The following NRG1 variants were observed in gnomAD, a reference collection of about 807,000 sequenced individuals.
NRG1 encodes neuregulin 1, also known as pro-neuregulin-1, membrane-bound isoform.
A neutral mutation model predicts 63.8 loss-of-function variants in NRG1; 18 were observed. The observed-to-expected ratio is 0.28, with a 90% CI of 0.19 to 0.42. The LOEUF is 0.42. Ranked by LOEUF, NRG1 falls within the 10% of genes least tolerant of loss-of-function variation. NRG1 has a pLI of 1.00. For missense variants in NRG1, 762 were observed against 814.7 expected, an observed-to-expected ratio of 0.94 and a Z score of 0.79; for synonymous variants, 302 against 301.3, an observed-to-expected ratio of 1.00 and a Z score of -0.02.
chr8:31,823,857 C>G (rs1824243711), intron 1 of NRG1, among the ~76,000 whole-genome samples: 2 of 152,106 alleles, frequency 1.3e-5, no homozygotes, highest in Admixed American at 6.5e-5. Flanking sequence ...GGAACAGAAG[C>G]TTAAAAATGG....
At chr8:31,813,914 C>G (rs1227551610) in intron 1 of NRG1, among the ~76,000 whole-genome samples, 6 of 152,160 alleles carry the variant, frequency 3.9e-5, no homozygotes, top group Non-Finnish European at 8.8e-5. Flanking sequence ...TATGCCTCAT[C>G]ATTCATTTCA....
intron 7 of NRG1, among the ~76,000 whole-genome samples, chr8:32,751,605 T>C (rs1002948659): frequency 4.6e-5 from 7 of 152,130 alleles, no homozygotes; most frequent in Non-Finnish European, 1.0e-4. Flanking sequence ...CAAATAGCAA[T>C]GAGGATAAGG....
At chr8:32,770,750 C>CTG (rs576073747), downstream of NRG1, among the ~76,000 whole-genome samples, 470 of 152,282 alleles carry the variant, frequency 3.1e-3, 3 homozygotes, top group Admixed American at 5.4e-3. Flanking sequence ...AACTTACTGA[C>CTG]TGTGGGCAGC....
At chr8:32,639,711 A>G (rs1021506676) in intron 5 of NRG1, among the ~76,000 whole-genome samples, 1 of 152,226 alleles carries the variant, frequency 6.6e-6, no homozygotes, top group Non-Finnish European at 1.5e-5. Context: ...ATGCTGTGCT[A>G]TATACTGACT....
rs185858676 is a variant in NRG1 at position 32,108,856 on chromosome 8, T to G, written c.37+469425T>G. 7.0e-3 allele frequency among the ~76,000 whole-genome samples: 1,059 copies of G among 152,260 alleles called. 7 individuals carry two copies. The highest frequency in any genetic ancestry group is 0.011 in the Non-Finnish European group (734 of 68,014). On this transcript the variant is annotated intron_variant, in intron 1 of 10. Coordinates refer to the NRG1 transcript ENST00000519301. ...GAGTTCAACCCTGACAGTACCTTTA[T>G]TTTAGCTCTGTGCAACCTGTTTCAG...
intron 1 of NRG1, among the ~76,000 whole-genome samples, chr8:32,374,685 A>C (rs990781502): frequency 1.3e-5 from 2 of 152,190 alleles, no homozygotes; most frequent in African/African-American, 2.4e-5. Flanking sequence ...TCATTGTCCC[A>C]ATGAGACAGT....
chr8:32,638,570 C>A (rs1851759462), intron 5 of NRG1, among the ~76,000 whole-genome samples: 2 of 152,156 alleles, frequency 1.3e-5, no homozygotes, highest in Non-Finnish European at 2.9e-5. Flanking sequence ...TCAGGCAATC[C>A]TCCTGCCTCA....
At chr8:32,438,180 C>T (rs1178256279) in intron 1 of NRG1, among the ~76,000 whole-genome samples, 1 of 152,168 alleles carries the variant, frequency 6.6e-6, no homozygotes, top group Non-Finnish European at 1.5e-5. Flanking sequence ...GCTACGTCTA[C>T]TTCCTTTGCC....
chr8:32,039,881 G>A (rs758022180), intron 1 of NRG1, among the ~76,000 whole-genome samples: 1 of 151,976 alleles, frequency 6.6e-6, no homozygotes, highest in Admixed American at 6.6e-5. Context: ...AAAATTAGCC[G>A]GAAATGGTGG....
intron 1 of NRG1, among the ~76,000 whole-genome samples, chr8:31,763,382 G>T (rs1236459107): frequency 1.3e-5 from 2 of 152,082 alleles, no homozygotes; most frequent in African/African-American, 4.8e-5. Context: ...CCAACAATTT[G>T]TCATTGCCGT....
At chr8:32,735,832 G>A (rs1452498873) in intron 6 of NRG1, among the ~76,000 whole-genome samples, 2 of 152,110 alleles carry the variant, frequency 1.3e-5, no homozygotes, top group Non-Finnish European at 2.9e-5. Flanking sequence ...CACAAACACC[G>A]CCACCCTCAT....
chr8:32,752,339 G>A (rs1025303711), intron 7 of NRG1, among the ~76,000 whole-genome samples: 11 of 152,156 alleles, frequency 7.2e-5, no homozygotes, highest in African/African-American at 2.7e-4. Context: ...CTGTGGCTAT[G>A]GGGGAGGGGA....
intron 1 of NRG1, among the ~76,000 whole-genome samples, chr8:32,370,838 A>G (rs1808718790): frequency 7.5e-6 from 1 of 133,578 alleles, no homozygotes. Context: ...AGCCAGGATG[A>G]CAGAGTGAGA....
intron 1 of NRG1, among the ~76,000 whole-genome samples, chr8:32,009,426 G>A (rs1334870913): frequency 6.6e-6 from 1 of 151,970 alleles, no homozygotes; most frequent in Non-Finnish European, 1.5e-5. Context: ...GGTGCTAGGG[G>A]CCCAGCAGTG....
At chr8:32,746,378 A>C (rs1041457161) in intron 7 of NRG1, among the ~76,000 whole-genome samples, 1 of 152,186 alleles carries the variant, frequency 6.6e-6, no homozygotes, top group Non-Finnish European at 1.5e-5. Flanking sequence ...AGTCTTTGAA[A>C]TGATTAGCAT....
intron 1 of NRG1, among the ~76,000 whole-genome samples, chr8:32,530,453 G>A (rs1349471590): frequency 2.6e-5 from 4 of 152,056 alleles, no homozygotes; most frequent in African/African-American, 9.7e-5. Flanking sequence ...TGTGGTCCAC[G>A]GTTTAGAGTA....
chr8:32,526,256 G>C (rs1347116909), intron 1 of NRG1, among the ~76,000 whole-genome samples: 1 of 152,180 alleles, frequency 6.6e-6, no homozygotes, highest in Non-Finnish European at 1.5e-5. Context: ...TTTAGTTCCT[G>C]ATGAGCTGAT....
At position 32,634,099 on chromosome 8, in the gene NRG1, T is replaced by TAAAAAAAAAAAAAAAAAAAAAAAAAAAAA. The variant is rs57478389; in HGVS notation, c.502+17233_502+17234insAAAAAAAAAAAAAAAAAAAAAAAAAAAAA. 6.3e-4 allele frequency among the ~76,000 whole-genome samples: 55 copies of TAAAAAAAAAAAAAAAAAAAAAAAAAAAAA among 86,728 alleles called. 4 individuals carry two copies. In the East Asian group the frequency reaches 0.021, roughly 33 times the overall value. The allele number at this position is 86,728 out of a possible 152,430, so 56.9% of individuals were successfully genotyped here. A position where few individuals can be genotyped will look rare whatever the true frequency, so the allele number is the denominator to read the frequency against. On this transcript the variant is annotated intron_variant, in intron 5 of 11. Transcript: ENST00000356819. ...TTTGAGGCTGAGCAAGATCTTGTCT[T>TAAAAAAAAAAAAAAAAAAAAAAAAAAAAA]AAAAAAAAAAAAAAAAAAAGGTTGC...
At chr8:31,892,100 A>G (rs1831190300) in intron 1 of NRG1, among the ~76,000 whole-genome samples, 1 of 152,082 alleles carries the variant, frequency 6.6e-6, no homozygotes, top group African/African-American at 2.4e-5. Flanking sequence ...TGAATGTGAT[A>G]TTGTGAGATG....
Sources: allele counts gnomAD v4.1 joint callset (sites outside exome capture counted in the v4.1 genomes callset), GRCh38; gene constraint gnomAD v4.1.1; transcripts MANE v1.5; gene names NCBI Gene and HGNC (gene_info 2026-07-23, HGNC 2026-07-21).